Variants in COPS2 observed in about 807,000 individuals in gnomAD.
COPS2 encodes the protein COP9 signalosome subunit 2, also known as COP9 signalosome complex subunit 2.
COPS2 carries 10 observed loss-of-function variants against 66.1 expected under a neutral mutation model. The ratio of observed to expected loss-of-function variants is 0.15; its 90% CI spans 0.09 to 0.26. The LOEUF (loss-of-function observed/expected upper bound fraction) is 0.26. COPS2 is among the 10% of genes least tolerant of loss of function. COPS2 has a pLI of 1.00. For synonymous variants in COPS2, 179 were observed against 171.3 expected, an observed-to-expected ratio of 1.04 and a Z score of -0.35; for missense variants, 215 against 513.3, an observed-to-expected ratio of 0.42 and a Z score of 5.62.
intron 1 of COPS2, among the ~76,000 whole-genome samples, chr15:49,153,268 T>C (rs977280810): frequency 6.7e-6 from 1 of 150,348 alleles, no homozygotes; most frequent in Non-Finnish European, 1.5e-5. Context: ...TCTAAAAATA[T>C]ATACATGTGT....
intron 3 of COPS2, among the ~76,000 whole-genome samples, chr15:49,142,636 C>G (rs1171182670): frequency 6.6e-6 from 1 of 152,220 alleles, no homozygotes; most frequent in African/African-American, 2.4e-5. Flanking sequence ...ATCTTTCTCT[C>G]AAAAGTTCTT....
intron 6 of COPS2, among the ~76,000 whole-genome samples, chr15:49,135,237 T>C (rs2084242684): frequency 3.3e-5 from 5 of 152,304 alleles, no homozygotes. Flanking sequence ...GCTGTACGTA[T>C]GAAATGTTTT....
At chr15:49,144,401 T>G in intron 2 of COPS2, 97 bp from the exon 3 acceptor site, 1 of 685,940 alleles carries the variant, frequency 1.5e-6, no homozygotes, top group South Asian at 1.8e-5. Context: ...TTATACTATA[T>G]GCATAAAAAA....
rs190885025 is a variant in COPS2 at position 49,139,497 on chromosome 15, A to T, written c.372+31T>A. The T allele has an allele frequency of 5.8e-6, 9 of 1,549,560 alleles. No individual in the cohort carries two copies. In the East Asian group the frequency reaches 2.0e-4, roughly 35 times the overall value. On this transcript the variant is annotated intron_variant, in intron 4 of 12. Coordinates refer to ENST00000388901, the MANE Select transcript of COPS2 (RefSeq NM_004236.4). ...CTTACTATAAATAATAAACACACTG[A>T]TCGTCCCAAGAGGGGAAAATTGAGT...
intron 4 of COPS2, among the ~76,000 whole-genome samples, chr15:49,138,375 A>ACCAC (rs2084268119): frequency 1.3e-5 from 2 of 152,320 alleles, no homozygotes; most frequent in South Asian, 4.1e-4. Context: ...AGAACAGAGT[A>ACCAC]CCACCCACCC....
Position 49,123,554 on chromosome 15 carries a change from T to C in COPS2, c.*4396A>G, listed in dbSNP as rs1046680488. ...ACAAGTATGTTTCACTTATTACATA[T>C]GTATACATATGCACACAAAAAAGTT... On this transcript the variant is annotated 3_prime_UTR_variant, in exon 13 of 13. Transcript: ENST00000388901. 4.6e-5 allele frequency: 7 copies of C among 152,364 alleles called. No homozygotes were observed. The highest frequency in any genetic ancestry group is 1.4e-4 in the African/African-American group (6 of 41,580). 9.4% of individuals were successfully genotyped at this position (152,364 alleles called of 1,614,324 possible).
intron 9 of COPS2, among the ~76,000 whole-genome samples, chr15:49,133,123 A>G (rs375400989): frequency 1.7e-4 from 26 of 151,316 alleles, no homozygotes; most frequent in East Asian, 1.2e-3. Flanking sequence ...CGAGTAGCTG[A>G]GACTACAGGC....
intron 9 of COPS2, among the ~76,000 whole-genome samples, chr15:49,131,242 T>C (rs1438734149): frequency 6.6e-6 from 1 of 152,094 alleles, no homozygotes; most frequent in African/African-American, 2.4e-5. Context: ...GGGTGTAGCC[T>C]CGTCTTTCAA....
At chr15:49,151,798 T>A (rs975639463) in intron 1 of COPS2, among the ~76,000 whole-genome samples, 8 of 151,708 alleles carry the variant, frequency 5.3e-5, no homozygotes, top group Non-Finnish European at 8.8e-5. Context: ...TTCTTTTATA[T>A]TCGTTTCTTT....
intron 3 of COPS2, 124 bp downstream of exon 3, chr15:49,144,103 C>T: frequency 1.4e-6 from 1 of 693,276 alleles, no homozygotes; most frequent in African/African-American, 1.8e-5. Context: ...AACTGCAGAG[C>T]AGACTAAATA....
chr15:49,148,518 C>T (rs1342328050), intron 1 of COPS2, among the ~76,000 whole-genome samples: 1 of 152,100 alleles, frequency 6.6e-6, no homozygotes, highest in African/African-American at 2.4e-5. Context: ...ATAGTTTGGG[C>T]TGAAGCACAG....
chr15:49,131,953 T>C (rs1483867602), intron 9 of COPS2, among the ~76,000 whole-genome samples: 1 of 152,166 alleles, frequency 6.6e-6, no homozygotes. Flanking sequence ...CTGGAGTAGT[T>C]GGATATAATA....
rs756826922 is a variant in COPS2 at position 49,139,534 on chromosome 15, A to G, written c.366T>C (p.Ser122=). The G allele has an allele frequency of 1.3e-6, 2 of 1,594,484 alleles. No homozygotes were observed. The highest frequency in any genetic ancestry group is 8.6e-7 in the Non-Finnish European group (1 of 1,164,600). The part of the protein sequence containing the change: ...INSILDYIST[S]KQMDLLQEFY... The stretch of plus-strand genomic sequence containing the variant: ...GGGGAAAATTGAGTCTAACCTGTTT[A>G]GAAGTAGAGATATAATCAAGAATAG... The change falls in exon 4 of 13, where the codon TCT becomes TCC. Residue 122 remains serine, a synonymous_variant. Transcript: ENST00000388901.
At chr15:49,132,988 A>ATTTTT (rs35969483) in intron 9 of COPS2, among the ~76,000 whole-genome samples, 1 of 130,924 alleles carries the variant, frequency 7.6e-6, no homozygotes, top group Non-Finnish European at 1.6e-5. Flanking sequence ...CATTGTAAAC[A>ATTTTT]TTTTTTTTTT....
chr15:49,148,131 G>T (rs202127080), intron 1 of COPS2, among the ~76,000 whole-genome samples: 1 of 152,032 alleles, frequency 6.6e-6, no homozygotes, highest in Non-Finnish European at 1.5e-5. Context: ...TGAAGTCTTT[G>T]GAAGAACAAT....
chr15:49,144,565 AT>A (rs1265571111), intron 2 of COPS2, among the ~76,000 whole-genome samples: 3 of 152,184 alleles, frequency 2.0e-5, no homozygotes, highest in African/African-American at 7.2e-5. Flanking sequence ...TTTCTGAAAT[AT>A]TTTTTCCCCT....
At chr15:49,143,484 G>A (rs758851701) in intron 3 of COPS2, among the ~76,000 whole-genome samples, 10 of 152,148 alleles carry the variant, frequency 6.6e-5, no homozygotes, top group African/African-American at 9.7e-5. Flanking sequence ...GAGTAGCAGA[G>A]GTAGAAATGG....
chr15:49,133,557 C>T (rs2084230489), intron 9 of COPS2, among the ~76,000 whole-genome samples: 1 of 40,744 alleles, frequency 2.5e-5, no homozygotes, highest in South Asian at 5.9e-4. Flanking sequence ...AATAGGAAAA[C>T]TAAGTAGATA....
At chr15:49,130,877 T>C in intron 9 of COPS2, 61 bp from the exon 10 acceptor site, 1 of 857,756 alleles carries the variant, frequency 1.2e-6, no homozygotes, top group East Asian at 2.5e-5. Flanking sequence ...TTAAATCAGA[T>C]AATCCAAAGA....
Sources: gnomAD v4.1 joint callset for allele counts (sites outside exome capture counted in the v4.1 genomes callset) on GRCh38, gnomAD v4.1.1 for gene constraint, MANE v1.5 for transcripts, NCBI Gene and HGNC (gene_info 2026-07-23, HGNC 2026-07-21) for gene names.